Variants in NAALADL2 observed in about 807,000 individuals in gnomAD.
The protein encoded by NAALADL2 is N-acetylated alpha-linked acidic dipeptidase like 2, also known as inactive N-acetylated-alpha-linked acidic dipeptidase-like protein 2.
A neutral mutation model predicts 87.2 loss-of-function variants in NAALADL2; 76 were observed. The observed-to-expected ratio is 0.87, with a 90% CI of 0.72 to 1.05. The LOEUF (loss-of-function observed/expected upper bound fraction) is 1.05, where lower values mean the gene tolerates loss of function less well. NAALADL2 is among the 50% of genes least tolerant of loss of function. The pLI is 0.00. For synonymous variants in NAALADL2, 354 were observed against 331.0 expected, an observed-to-expected ratio of 1.07 and a Z score of -0.75; for missense variants, 1,089 against 945.8, an observed-to-expected ratio of 1.15 and a Z score of -1.99.
chr3:174,496,164 C>A (rs774955322), intron 1 of NAALADL2, among the ~76,000 whole-genome samples: 3 of 152,124 alleles, frequency 2.0e-5, no homozygotes, highest in Non-Finnish European at 2.9e-5. Context: ...CATTGAGCAT[C>A]CGTCACTATT....
At chr3:175,146,621 A>T (rs1730783665) in intron 2 of NAALADL2, among the ~76,000 whole-genome samples, 1 of 152,190 alleles carries the variant, frequency 6.6e-6, no homozygotes, top group African/African-American at 2.4e-5. Context: ...ATTGTGAAAA[A>T]TGAATGGCTT....
At chr3:175,670,288 A>G (rs1302012775) in intron 11 of NAALADL2, among the ~76,000 whole-genome samples, 1 of 151,646 alleles carries the variant, frequency 6.6e-6, no homozygotes, top group Non-Finnish European at 1.5e-5. Flanking sequence ...CAAGAGCTAC[A>G]TTGACTAACC....
At chr3:175,757,055 T>C (rs1747364353) in intron 13 of NAALADL2, among the ~76,000 whole-genome samples, 1 of 151,694 alleles carries the variant, frequency 6.6e-6, no homozygotes, top group East Asian at 1.9e-4. Context: ...TATAATTTTA[T>C]GTAGTGTGAA....
intron 5 of NAALADL2, among the ~76,000 whole-genome samples, chr3:175,376,783 G>A (rs1767178951): frequency 6.6e-6 from 1 of 152,048 alleles, no homozygotes; most frequent in South Asian, 2.1e-4. Flanking sequence ...GTTTACTGAG[G>A]CTTTGCTCTT....
At chr3:175,332,736 C>A (rs1323844932) in intron 5 of NAALADL2, among the ~76,000 whole-genome samples, 2 of 152,164 alleles carry the variant, frequency 1.3e-5, no homozygotes, top group African/African-American at 4.8e-5. Flanking sequence ...CTGTCAATGT[C>A]TGTTAGGTCG....
chr3:175,625,702 T>C (rs2149711788), intron 10 of NAALADL2, among the ~76,000 whole-genome samples: 1 of 152,072 alleles, frequency 6.6e-6, no homozygotes, highest in Admixed American at 6.6e-5. Context: ...CAAATAAACC[T>C]GGGTTTGAAC....
At chr3:174,862,237 A>G (rs987703734) in intron 1 of NAALADL2, among the ~76,000 whole-genome samples, 2 of 152,042 alleles carry the variant, frequency 1.3e-5, no homozygotes, top group Non-Finnish European at 2.9e-5. Flanking sequence ...TTTTTCTTGC[A>G]TAATGCCTGC....
intron 1 of NAALADL2, among the ~76,000 whole-genome samples, chr3:174,993,350 G>A (rs527443896): frequency 6.6e-6 from 1 of 152,230 alleles, no homozygotes; most frequent in African/African-American, 2.4e-5. Flanking sequence ...TATGAGCCAG[G>A]AAGAGTGTTC....
intron 2 of NAALADL2, among the ~76,000 whole-genome samples, chr3:175,179,708 T>G (rs1165359370): frequency 6.6e-6 from 1 of 151,978 alleles, no homozygotes; most frequent in Non-Finnish European, 1.5e-5. Context: ...ATTATAAGGA[T>G]TTTGAGAGGA....
chr3:175,728,311 G>A (rs979480057), intron 11 of NAALADL2, among the ~76,000 whole-genome samples: 8 of 152,168 alleles, frequency 5.3e-5, no homozygotes, highest in African/African-American at 1.9e-4. Flanking sequence ...GAAAGACAGT[G>A]ACAGTCTTAA....
At chr3:175,227,625 T>G (rs2109410456) in intron 2 of NAALADL2, among the ~76,000 whole-genome samples, 1 of 152,104 alleles carries the variant, frequency 6.6e-6, no homozygotes, top group East Asian at 1.9e-4. Flanking sequence ...TGGTTCACCA[T>G]AAATCCTGAA....
rs116031917 is a variant in NAALADL2, at chr3:175,138,507, A to T, written c.545+41216A>T. ...TGTTTTCCTAATCATTTGTCCCTGG[A>T]TGGGACACCTTAAGATTAATGTCAG... On this transcript the variant is annotated intron_variant, in intron 2 of 13. Coordinates refer to ENST00000454872, the MANE Select transcript of NAALADL2 (RefSeq NM_207015.3). 3.5e-3 allele frequency among the ~76,000 whole-genome samples: 533 copies of T among 152,128 alleles called. 3 individuals are homozygous for T. The highest frequency in any genetic ancestry group is 0.012 in the African/African-American group (500 of 41,504).
In NAALADL2 at chr3:175,631,704, C is replaced by A. The variant is rs1464548649; in HGVS notation, c.1896+4318C>A. On this transcript the variant is annotated intron_variant, in intron 11 of 13. Coordinates refer to ENST00000454872, the MANE Select transcript of NAALADL2 (RefSeq NM_207015.3). The stretch of plus-strand genomic sequence containing the variant: ...ATCATAGAAACCAAACTAATTCCTT[C>A]ATTGACTAAACCTAAACATGAATTA... Among the ~76,000 whole-genome samples the A allele has an allele frequency of 2.0e-5, 3 of 152,028 alleles. No homozygotes were observed. The East Asian group carries it at 5.8e-4, about 29-fold the overall frequency.
chr3:175,321,176 T>C (rs1359359538), intron 4 of NAALADL2, among the ~76,000 whole-genome samples: 2 of 146,832 alleles, frequency 1.4e-5, no homozygotes, highest in African/African-American at 5.0e-5. Context: ...GCAAGGCTGG[T>C]TCAATATACG....
intron 3 of NAALADL2, among the ~76,000 whole-genome samples, chr3:174,831,224 G>A (rs1234062679): frequency 1.3e-5 from 2 of 151,578 alleles, no homozygotes; most frequent in African/African-American, 4.9e-5. Flanking sequence ...TGCCCATTCA[G>A]TATGATATTG....
intron 3 of NAALADL2, among the ~76,000 whole-genome samples, chr3:174,742,125 G>C (rs191388910): frequency 2.3e-4 from 35 of 151,382 alleles, no homozygotes; most frequent in Admixed American, 1.9e-3. Context: ...TCTACCCTAG[G>C]TAACATACTA....
chr3:175,762,102 T>C lies in NAALADL2; in HGVS notation c.2189+6684T>C, dbSNP rs545118770. Among the ~76,000 whole-genome samples, 135 of 151,986 alleles carry C rather than the reference T, an allele frequency of 8.9e-4. 1 individual carries two copies. Among genetic ancestry groups the C allele is most frequent in the Non-Finnish European group, 1.1e-3 (74 of 68,002 alleles). ...CACTCAGATTTTCTGTTATATTATCTTCTAGAAGTTTTATAGTATAGCATT... is the reference window on the plus strand; with the variant it reads ...CACTCAGATTTTCTGTTATATTATCCTCTAGAAGTTTTATAGTATAGCATT... On this transcript the variant is annotated intron_variant, in intron 13 of 13. Coordinates refer to ENST00000454872, the MANE Select transcript of NAALADL2 (RefSeq NM_207015.3).
At chr3:175,598,997 A>T (rs1483962431) in intron 10 of NAALADL2, among the ~76,000 whole-genome samples, 1 of 152,114 alleles carries the variant, frequency 6.6e-6, no homozygotes, top group East Asian at 1.9e-4. Context: ...CTTTTATTCA[A>T]CAATGTGAAG....
intron 1 of NAALADL2, among the ~76,000 whole-genome samples, chr3:174,862,566 G>C (rs6773416): frequency 0.45 from 67,614 of 151,928 alleles, 15,265 homozygotes; most frequent in African/African-American, 0.5. Flanking sequence ...CTGAGCTCCT[G>C]CTACCTCAGG....
Sources: allele counts gnomAD v4.1 joint callset (sites outside exome capture counted in the v4.1 genomes callset), GRCh38; gene constraint gnomAD v4.1.1; transcripts MANE v1.5; gene names NCBI Gene and HGNC (gene_info 2026-07-23, HGNC 2026-07-21).